ZBTB20: variants seen among roughly 807,000 people sequenced by gnomAD.
ZBTB20 encodes zinc finger and BTB domain containing 20, also known as zinc finger and BTB domain-containing protein 20.
In ZBTB20, 9 loss-of-function variants were observed where a neutral mutation model predicts 56.9. The ratio of observed to expected loss-of-function variants is 0.16; its 90% CI spans 0.10 to 0.28. ZBTB20 has a LOEUF of 0.28. Among genes scored for constraint, ZBTB20 ranks in the 10% least tolerant of loss-of-function variants. The pLI, the probability that ZBTB20 is intolerant of heterozygous loss-of-function variation, is 1.00. For missense variants in ZBTB20, 655 were observed against 1,003.0 expected, an observed-to-expected ratio of 0.65 and a Z score of 4.69; for synonymous variants, 417 against 420.7, an observed-to-expected ratio of 0.99 and a Z score of 0.11.
intron 6 of ZBTB20, among the ~76,000 whole-genome samples, chr3:114,503,970 C>T (rs2044298324): frequency 6.6e-6 from 1 of 152,128 alleles, no homozygotes; most frequent in Admixed American, 6.6e-5. Flanking sequence ...TTTCAAGGAA[C>T]TCCTAGACTC....
At chr3:115,027,198 C>T (rs911778905) in intron 2 of ZBTB20, among the ~76,000 whole-genome samples, 3 of 150,844 alleles carry the variant, frequency 2.0e-5, no homozygotes, top group African/African-American at 7.3e-5. Context: ...AAATAATCTT[C>T]AAGATTGGAA....
At chr3:114,571,352 T>C (rs1364411039) in intron 6 of ZBTB20, among the ~76,000 whole-genome samples, 1 of 152,186 alleles carries the variant, frequency 6.6e-6, no homozygotes, top group East Asian at 1.9e-4. Context: ...GGGAAAACTA[T>C]TGTTCTAAAA....
At chr3:114,879,914 A>C (rs2076335245) in intron 4 of ZBTB20, among the ~76,000 whole-genome samples, 1 of 152,154 alleles carries the variant, frequency 6.6e-6, no homozygotes, top group Non-Finnish European at 1.5e-5. Context: ...TGCTGGGTTA[A>C]TTGGGCCAAA....
intron 6 of ZBTB20, among the ~76,000 whole-genome samples, chr3:114,592,951 A>G (rs1477061581): frequency 6.6e-6 from 1 of 152,220 alleles, no homozygotes; most frequent in Non-Finnish European, 1.5e-5. Context: ...TTCTGGGCAT[A>G]TAAATGGTTG....
At chr3:114,509,425 G>GTGT (rs150847935) in intron 6 of ZBTB20, among the ~76,000 whole-genome samples, 4 of 149,988 alleles carry the variant, frequency 2.7e-5, no homozygotes, top group African/African-American at 9.8e-5. Context: ...GTGTGTGTGT[G>GTGT]GTGGTGGTGG....
intron 5 of ZBTB20, among the ~76,000 whole-genome samples, chr3:114,753,050 T>C (rs769846397): frequency 6.6e-6 from 1 of 151,908 alleles, no homozygotes; most frequent in Non-Finnish European, 1.5e-5. Flanking sequence ...TGGAAAGAAG[T>C]TTCCCACAAG....
chr3:114,614,365 G>C (rs1319281707), intron 6 of ZBTB20, among the ~76,000 whole-genome samples: 1 of 152,148 alleles, frequency 6.6e-6, no homozygotes, highest in Non-Finnish European at 1.5e-5. Context: ...GAAAAATTGA[G>C]TATTGTGAGG....
chr3:114,691,503 T>C (rs2062695790), intron 6 of ZBTB20, among the ~76,000 whole-genome samples: 1 of 152,114 alleles, frequency 6.6e-6, no homozygotes. Context: ...TTATTATTTG[T>C]TGACTGATTC....
intron 7 of ZBTB20, among the ~76,000 whole-genome samples, chr3:114,464,173 T>C (rs2092445044): frequency 6.6e-6 from 1 of 152,230 alleles, no homozygotes; most frequent in South Asian, 2.1e-4. Flanking sequence ...ATTCACTTTT[T>C]ATTGGCTTTT....
chr3:114,810,715 C>A (rs2072457341), intron 4 of ZBTB20, among the ~76,000 whole-genome samples: 1 of 152,146 alleles, frequency 6.6e-6, no homozygotes, highest in South Asian at 2.1e-4. Flanking sequence ...ATGCCATATG[C>A]CATTTCTTCA....
intron 6 of ZBTB20, among the ~76,000 whole-genome samples, chr3:114,546,823 C>CT (rs1251072839): frequency 1.3e-5 from 2 of 151,948 alleles, no homozygotes; most frequent in African/African-American, 2.4e-5. Flanking sequence ...TGTACAAAGA[C>CT]TTAAGCAGAG....
chr3:114,459,759 A>G (rs1000604102), intron 7 of ZBTB20, among the ~76,000 whole-genome samples: 3 of 152,158 alleles, frequency 2.0e-5, no homozygotes, highest in African/African-American at 7.2e-5. Flanking sequence ...TTTAAGAATT[A>G]GCTAGTGAAA....
At chr3:115,113,962 T>G (rs1373762636) in intron 1 of ZBTB20, among the ~76,000 whole-genome samples, 1 of 152,082 alleles carries the variant, frequency 6.6e-6, no homozygotes, top group East Asian at 1.9e-4. Flanking sequence ...TGGCATTGAT[T>G]AATATAAGCC....
intron 4 of ZBTB20, among the ~76,000 whole-genome samples, chr3:114,814,255 C>T (rs2399509): frequency 0.89 from 132,589 of 148,744 alleles, 59,790 homozygotes; most frequent in East Asian, 0.98. Flanking sequence ...ATATATTTCA[C>T]TTACTGTCAT....
chr3:115,066,199 C>T (rs1394415978), intron 2 of ZBTB20, among the ~76,000 whole-genome samples: 1 of 152,058 alleles, frequency 6.6e-6, no homozygotes, highest in African/African-American at 2.4e-5. Context: ...TATATCTTTC[C>T]TAAGTTTCTA....
At chr3:114,800,508 A>G (rs1056249249) in intron 5 of ZBTB20, among the ~76,000 whole-genome samples, 1 of 151,858 alleles carries the variant, frequency 6.6e-6, no homozygotes, top group African/African-American at 2.4e-5. Flanking sequence ...ACGGGAAGAC[A>G]TAAGATGTGC....
At chr3:114,684,889 A>G (rs1358407796) in intron 6 of ZBTB20, among the ~76,000 whole-genome samples, 3 of 152,096 alleles carry the variant, frequency 2.0e-5, no homozygotes, top group Non-Finnish European at 4.4e-5. Flanking sequence ...AAAAGTCTGA[A>G]AAAATAAAGA....
At chr3:114,848,994 G>A (rs182973727) in intron 4 of ZBTB20, among the ~76,000 whole-genome samples, 273 of 152,212 alleles carry the variant, frequency 1.8e-3, no homozygotes, top group Non-Finnish European at 3.2e-3. Context: ...CAGAACACTT[G>A]GCTTCACAAC....
At chr3:114,430,539 AAC>A (rs1378566544) in intron 7 of ZBTB20, among the ~76,000 whole-genome samples, 1 of 152,308 alleles carries the variant, frequency 6.6e-6, no homozygotes, top group African/African-American at 2.4e-5. Context: ...TTCGAATATA[AAC>A]ACACATTTTC....
Sources: allele counts gnomAD v4.1 joint callset (sites outside exome capture counted in the v4.1 genomes callset), GRCh38; gene constraint gnomAD v4.1.1; transcripts MANE v1.5; gene names NCBI Gene and HGNC (gene_info 2026-07-23, HGNC 2026-07-21).